AGMO: variants seen among roughly 807,000 people sequenced by gnomAD.
AGMO encodes glyceryl-ether monooxygenase.
A neutral mutation model predicts 60.2 loss-of-function variants in AGMO; 75 were observed. The ratio of observed to expected loss-of-function variants is 1.25; its 90% CI spans 1.03 to 1.51. The LOEUF (loss-of-function observed/expected upper bound fraction) is 1.51, where lower values mean the gene tolerates loss of function less well. AGMO is among the 40% of genes most tolerant of loss of function. AGMO has a pLI of 0.00. For missense variants in AGMO, 763 were observed against 525.5 expected, an observed-to-expected ratio of 1.45 and a Z score of -4.42; for synonymous variants, 261 against 177.1, an observed-to-expected ratio of 1.47 and a Z score of -3.76.
At chr7:15,249,946 A>G (rs1483728636) in intron 12 of AGMO, among the ~76,000 whole-genome samples, 1 of 152,184 alleles carries the variant, frequency 6.6e-6, no homozygotes, top group Admixed American at 6.5e-5. Context: ...TTAAATCTTT[A>G]CTTAGAAACT....
At chr7:15,334,102 C>T (rs1380255673) in intron 12 of AGMO, among the ~76,000 whole-genome samples, 1 of 151,936 alleles carries the variant, frequency 6.6e-6, no homozygotes, top group African/African-American at 2.4e-5. Context: ...CCTATATTTT[C>T]TTATTACCTT....
Position 15,394,118 on chromosome 7 carries a change from T to C in AGMO, c.671A>G (p.His224Arg). The change falls in exon 6 of 13, where the codon CAT becomes CGT. Residue 224 changes from histidine to arginine, a missense_variant. Physicochemically the swap from His to Arg is conservative, Grantham distance 29 (BLOSUM62 0). Transcript: ENST00000342526. ...ILNTPSHHRV[H>R]HGRNRYCIDK... ...AAGAAACAAAACTTCCTTACCATGA[T>C]GAACCCTATGATGGCTAGGAGTATT... The C allele has an allele frequency of 6.2e-7, 1 of 1,610,068 alleles. No homozygotes were observed. Among genetic ancestry groups the C allele is most frequent in the African/African-American group, 1.3e-5 (1 of 74,922 alleles).
chr7:15,285,137 A>G (rs1057175326), intron 12 of AGMO, among the ~76,000 whole-genome samples: 10 of 152,018 alleles, frequency 6.6e-5, no homozygotes, highest in African/African-American at 2.4e-4. Flanking sequence ...GAATGGTGAA[A>G]AGTTGAAAGC....
intron 12 of AGMO, among the ~76,000 whole-genome samples, chr7:15,302,481 C>A (rs186244677): frequency 6.6e-6 from 1 of 152,008 alleles, no homozygotes; most frequent in Non-Finnish European, 1.5e-5. Flanking sequence ...TTATTTTGTT[C>A]TAACTCTAGA....
intron 12 of AGMO, among the ~76,000 whole-genome samples, chr7:15,359,691 G>A (rs997648802): frequency 7.2e-5 from 11 of 152,004 alleles, no homozygotes; most frequent in African/African-American, 2.2e-4. Flanking sequence ...TCCTACCCCT[G>A]GTTCATTTCT....
the AGMO span, among the ~76,000 whole-genome samples, chr7:15,191,474 C>T: frequency 6.6e-6 from 1 of 152,066 alleles, no homozygotes; most frequent in South Asian, 2.1e-4. Flanking sequence ...TAAACCACAG[C>T]CCACAAATTT....
At chr7:15,119,823 A>G in the AGMO span, among the ~76,000 whole-genome samples, 10 of 152,262 alleles carry the variant, frequency 6.6e-5, no homozygotes, top group East Asian at 7.7e-4. Context: ...AATGGAAACA[A>G]TTAGAAAAGA....
intron 3 of AGMO, among the ~76,000 whole-genome samples, chr7:15,541,589 A>T (rs1288814854): frequency 6.6e-6 from 1 of 152,154 alleles, no homozygotes. Flanking sequence ...TTTCTTTTTC[A>T]TTCCAGAGGA....
At chr7:15,144,576 ATGCACGT>A in the AGMO span, among the ~76,000 whole-genome samples, 1 of 152,194 alleles carries the variant, frequency 6.6e-6, no homozygotes, top group African/African-American at 2.4e-5. Context: ...AAGTATGCGC[ATGCACGT>A]TTTTAGTCAG....
At chr7:15,270,203 G>A (rs1457675569) in intron 12 of AGMO, among the ~76,000 whole-genome samples, 1 of 151,946 alleles carries the variant, frequency 6.6e-6, no homozygotes, top group African/African-American at 2.4e-5. Context: ...TTTTCATAGA[G>A]GTTGTACTAA....
chr7:15,498,433 A>G (rs1326816641), intron 3 of AGMO, among the ~76,000 whole-genome samples: 2 of 152,048 alleles, frequency 1.3e-5, no homozygotes, highest in African/African-American at 2.4e-5. Flanking sequence ...CATTGTATAC[A>G]TACAGGAAGC....
At chr7:15,124,589 T>C in the AGMO span, among the ~76,000 whole-genome samples, 1 of 152,216 alleles carries the variant, frequency 6.6e-6, no homozygotes, top group Admixed American at 6.5e-5. Flanking sequence ...TGACATACTC[T>C]CCCAGTCTTC....
intron 12 of AGMO, among the ~76,000 whole-genome samples, chr7:15,234,032 G>A (rs1467996032): frequency 6.6e-6 from 1 of 152,182 alleles, no homozygotes; most frequent in East Asian, 1.9e-4. Flanking sequence ...CTGTGAGACA[G>A]AGCAAGACTT....
At chr7:15,337,238 TG>T (rs1436869800) in intron 12 of AGMO, among the ~76,000 whole-genome samples, 2 of 152,108 alleles carry the variant, frequency 1.3e-5, no homozygotes, top group Non-Finnish European at 2.9e-5. Context: ...AAAAATAAAA[TG>T]GTGCCAAAGA....
chr7:15,531,540 T>C (rs1784357402), intron 3 of AGMO, among the ~76,000 whole-genome samples: 2 of 56,092 alleles, frequency 3.6e-5, no homozygotes, highest in Non-Finnish European at 3.2e-5. Flanking sequence ...ATATTCTCTA[T>C]ATATATTCTA....
At chr7:15,255,323 C>A (rs958924359) in intron 12 of AGMO, among the ~76,000 whole-genome samples, 11 of 152,084 alleles carry the variant, frequency 7.2e-5, no homozygotes, top group Admixed American at 7.2e-4. Context: ...AACAAAACTG[C>A]ACGTTCTGCA....
intron 3 of AGMO, among the ~76,000 whole-genome samples, chr7:15,447,456 C>G (rs943681894): frequency 6.6e-6 from 1 of 152,190 alleles, no homozygotes; most frequent in East Asian, 1.9e-4. Context: ...CCATTGAACC[C>G]CATAGCGGGA....
At chr7:15,457,846 T>A (rs7808202) in intron 3 of AGMO, among the ~76,000 whole-genome samples, 1 of 151,950 alleles carries the variant, frequency 6.6e-6, no homozygotes, top group African/African-American at 2.4e-5. Context: ...ATAAATCACA[T>A]CTTTTCCAGG....
chr7:15,194,027 A>G, the AGMO span, among the ~76,000 whole-genome samples: 1 of 152,192 alleles, frequency 6.6e-6, no homozygotes, highest in East Asian at 1.9e-4. Context: ...CTAACAATCA[A>G]TCTCTTAATT....
Sources: gnomAD v4.1 joint callset for allele counts (sites outside exome capture counted in the v4.1 genomes callset) on GRCh38, gnomAD v4.1.1 for gene constraint, MANE v1.5 for transcripts, NCBI Gene and HGNC (gene_info 2026-07-23, HGNC 2026-07-21) for gene names.